Variants in JAM3 observed in about 807,000 individuals in gnomAD.
The protein encoded by JAM3 is junctional adhesion molecule 3.
JAM3 carries 31 observed loss-of-function variants against 39.4 expected under a neutral mutation model. The observed-to-expected ratio is 0.79, with a 90% CI of 0.59 to 1.06. JAM3 has a LOEUF of 1.06. Ranked by LOEUF, JAM3 falls within the 50% of genes least tolerant of loss-of-function variation. The pLI is 0.00. For synonymous variants in JAM3, 182 were observed against 148.7 expected, an observed-to-expected ratio of 1.22 and a Z score of -1.63; for missense variants, 455 against 391.4, an observed-to-expected ratio of 1.16 and a Z score of -1.37.
chr11:134,108,222 C>T (rs763151783), intron 1 of JAM3, among the ~76,000 whole-genome samples: 1 of 151,912 alleles, frequency 6.6e-6, no homozygotes, highest in Non-Finnish European at 1.5e-5. Context: ...ACACAACTAC[C>T]AAAGCTCACT....
intron 1 of JAM3, among the ~76,000 whole-genome samples, chr11:134,101,297 A>G (rs959164035): frequency 1.3e-5 from 2 of 152,234 alleles, no homozygotes; most frequent in African/African-American, 4.8e-5. Context: ...ACCCAGTTCT[A>G]TAATAATTGC....
chr11:134,085,350 C>CTA (rs1158182083), intron 1 of JAM3, among the ~76,000 whole-genome samples: 2 of 152,156 alleles, frequency 1.3e-5, no homozygotes, highest in Non-Finnish European at 2.9e-5. Context: ...GAAGTCTTAA[C>CTA]TATTATTTCC....
At chr11:134,089,261 G>C (rs1303368525) in intron 1 of JAM3, among the ~76,000 whole-genome samples, 1 of 152,052 alleles carries the variant, frequency 6.6e-6, no homozygotes, top group South Asian at 2.1e-4. Context: ...TATTTTGTTT[G>C]GTTGTTTAAT....
intron 1 of JAM3, among the ~76,000 whole-genome samples, chr11:134,097,863 T>C (rs1435716597): frequency 6.6e-6 from 1 of 151,148 alleles, no homozygotes; most frequent in Non-Finnish European, 1.5e-5. Flanking sequence ...TATATATATG[T>C]ATATATATAT....
At chr11:134,077,363 C>CT (rs71038557) in intron 1 of JAM3, among the ~76,000 whole-genome samples, 2,950 of 141,672 alleles carry the variant, frequency 0.021, 88 homozygotes, top group African/African-American at 0.065. Flanking sequence ...TCAAGGATGC[C>CT]TTTTTTTTTT....
intron 1 of JAM3, among the ~76,000 whole-genome samples, chr11:134,125,852 C>T (rs1942638833): frequency 6.6e-6 from 1 of 152,172 alleles, no homozygotes; most frequent in Non-Finnish European, 1.5e-5. Flanking sequence ...AGACATCAGT[C>T]CTACAAGCTG....
At chr11:134,109,066 C>T (rs527699858) in intron 1 of JAM3, among the ~76,000 whole-genome samples, 64 of 152,274 alleles carry the variant, frequency 4.2e-4, no homozygotes, top group African/African-American at 1.5e-3. Flanking sequence ...AAGCAATTCT[C>T]GTGCCTTAGC....
At chr11:134,117,251 C>T (rs1458205582) in intron 1 of JAM3, among the ~76,000 whole-genome samples, 2 of 152,034 alleles carry the variant, frequency 1.3e-5, no homozygotes, top group Non-Finnish European at 2.9e-5. Context: ...GTGGTGGGCA[C>T]CTGTAATCCC....
intron 1 of JAM3, among the ~76,000 whole-genome samples, chr11:134,135,349 T>C (rs1000699795): frequency 1.3e-5 from 2 of 152,192 alleles, no homozygotes; most frequent in East Asian, 3.9e-4. Flanking sequence ...ATTTCTGGGC[T>C]TTCTGTTCTA....
chr11:134,111,133 C>CTTTTTTTTTTTTTTTTTTTTTTTTT (rs71038561), intron 1 of JAM3, among the ~76,000 whole-genome samples: 1 of 86,776 alleles, frequency 1.2e-5, no homozygotes, highest in African/African-American at 5.5e-5. Flanking sequence ...ACACATCCAT[C>CTTTTTTTTTTTTTTTTTTTTTTTTT]TTTTTTTTTT....
At position 134,149,569 on chromosome 11, in the gene JAM3, T is replaced by A. The variant is rs1037159045; in HGVS notation, c.*388T>A. 6.3e-6 allele frequency: 3 copies of A among 478,072 alleles called. No homozygotes were observed. Among genetic ancestry groups the A allele is most frequent in the Admixed American group, 2.3e-5 (1 of 43,130 alleles). 29.6% of individuals were successfully genotyped at this position (478,072 alleles called of 1,614,324 possible). A position where few individuals can be genotyped will look rare whatever the true frequency, so the allele number is the denominator to read the frequency against. The stretch of plus-strand genomic sequence containing the variant: ...TCGTTCAGCAGCCACGACAGCACCA[T>A]GTGAGATGGCGAGGTGGCTGGACAG... On this transcript the variant is annotated 3_prime_UTR_variant, in exon 9 of 9. Coordinates refer to ENST00000299106, the MANE Select transcript of JAM3 (RefSeq NM_032801.5).
At chr11:134,104,802 T>C (rs373736024) in intron 1 of JAM3, among the ~76,000 whole-genome samples, 20 of 151,662 alleles carry the variant, frequency 1.3e-4, no homozygotes, top group Non-Finnish European at 1.9e-4. Flanking sequence ...AAGACTAAAC[T>C]AGGAAGAAGT....
At chr11:134,094,146 A>C (rs563893159) in intron 1 of JAM3, among the ~76,000 whole-genome samples, 3 of 147,126 alleles carry the variant, frequency 2.0e-5, no homozygotes, top group Non-Finnish European at 3.0e-5. Flanking sequence ...GTTCCACCTT[A>C]CATGTCACTT....
At chr11:134,091,300 ACTGG>A (rs1941846021) in intron 1 of JAM3, among the ~76,000 whole-genome samples, 1 of 152,008 alleles carries the variant, frequency 6.6e-6, no homozygotes, top group Non-Finnish European at 1.5e-5. Flanking sequence ...TTGAGACCAT[ACTGG>A]CTAACACTGT....
intron 1 of JAM3, among the ~76,000 whole-genome samples, chr11:134,121,555 A>T (rs1273135197): frequency 6.6e-6 from 1 of 151,920 alleles, no homozygotes; most frequent in Non-Finnish European, 1.5e-5. Flanking sequence ...CAGGCTGCAC[A>T]CCTTTCAAAT....
chr11:134,088,917 G>T (rs544648070), intron 1 of JAM3, among the ~76,000 whole-genome samples: 1 of 152,198 alleles, frequency 6.6e-6, no homozygotes, highest in Non-Finnish European at 1.5e-5. Context: ...AGCTTCCCAA[G>T]TAGCTGGGAC....
intron 1 of JAM3, among the ~76,000 whole-genome samples, chr11:134,121,852 C>CACACA: frequency 6.6e-6 from 1 of 151,976 alleles, no homozygotes; most frequent in African/African-American, 2.4e-5. Flanking sequence ...CACACACACA[C>CACACA]CCTCCTCCCA....
intron 1 of JAM3, among the ~76,000 whole-genome samples, chr11:134,138,562 C>T (rs1460049224): frequency 6.6e-6 from 1 of 152,234 alleles, no homozygotes; most frequent in East Asian, 1.9e-4. Flanking sequence ...CGGAGCCTCA[C>T]ATATCATTCT....
At chr11:134,090,791 T>C (rs1591775079) in intron 1 of JAM3, among the ~76,000 whole-genome samples, 1 of 151,574 alleles carries the variant, frequency 6.6e-6, no homozygotes, top group Non-Finnish European at 1.5e-5. Context: ...GTAAGATGAT[T>C]AAAAAAAAAT....
Sources: allele counts gnomAD v4.1 joint callset (sites outside exome capture counted in the v4.1 genomes callset), GRCh38; gene constraint gnomAD v4.1.1; transcripts MANE v1.5; gene names NCBI Gene and HGNC (gene_info 2026-07-23, HGNC 2026-07-21).